HTR1E: variants seen among roughly 807,000 people sequenced by gnomAD.
The protein encoded by HTR1E is 5-hydroxytryptamine receptor 1E.
In HTR1E, 3 loss-of-function variants were observed where a neutral mutation model predicts 3.4. The ratio of observed to expected loss-of-function variants is 0.89; its 90% CI spans 0.41 to 2.31. The LOEUF is 2.31. Among genes scored for constraint, HTR1E ranks in the 30% most tolerant of loss-of-function variants. The pLI, the probability that HTR1E is intolerant of heterozygous loss-of-function variation, is 0.05. For synonymous variants in HTR1E, 170 were observed against 182.8 expected (o/e 0.93, Z 0.56); for missense variants, 392 against 467.0 (o/e 0.84, Z 1.48).
rs778037188 is a variant in HTR1E, at chr6:87,015,470, G to T, written c.136G>T (p.Ala46Ser). The T allele has an allele frequency of 1.2e-6, 2 of 1,614,002 alleles. No homozygotes were observed. The highest frequency in any genetic ancestry group is 1.7e-6 in the Non-Finnish European group (2 of 1,179,996). Reference protein sequence around the residue: ...TTLLNLAVIMAIGTTKKLHQP... With the variant: ...TTLLNLAVIMSIGTTKKLHQP... ...GTTGCTGAACTTGGCTGTGATCATG[G>T]CTATTGGCACCACCAAGAAGCTCCA... Residue 46 changes from alanine to serine, a missense_variant, in exon 2 of 2, where the codon GCT (alanine) becomes TCT (serine). Coordinates refer to ENST00000305344, the MANE Select transcript of HTR1E (RefSeq NM_000865.3).
At chr6:86,940,004 A>C (rs560527983) in intron 1 of HTR1E, among the ~76,000 whole-genome samples, 6 of 152,226 alleles carry the variant, frequency 3.9e-5, no homozygotes, top group Non-Finnish European at 7.3e-5. Flanking sequence ...AAGATAACGA[A>C]GTCAGCGTTT....
chr6:86,999,237 C>T (rs1767984932), intron 1 of HTR1E, among the ~76,000 whole-genome samples: 1 of 152,166 alleles, frequency 6.6e-6, no homozygotes, highest in African/African-American at 2.4e-5. Context: ...GCTGGTATTA[C>T]AGGCATGAGC....
chr6:86,973,519 C>T (rs958352708), intron 1 of HTR1E, among the ~76,000 whole-genome samples: 1 of 152,128 alleles, frequency 6.6e-6, no homozygotes, highest in East Asian at 1.9e-4. Context: ...GCACTGTAAC[C>T]ACAAATGTCC....
intron 1 of HTR1E, among the ~76,000 whole-genome samples, chr6:86,998,712 A>G (rs1439060899): frequency 6.6e-6 from 1 of 152,186 alleles, no homozygotes; most frequent in Non-Finnish European, 1.5e-5. Flanking sequence ...GAAGGAAATA[A>G]TAAATATAAA....
chr6:86,957,950 A>G (rs929170060), intron 1 of HTR1E, among the ~76,000 whole-genome samples: 1 of 152,144 alleles, frequency 6.6e-6, no homozygotes, highest in Non-Finnish European at 1.5e-5. Context: ...TACTTCCATA[A>G]TAGTAAAATT....
At chr6:86,944,065 CT>C (rs1291172172) in intron 1 of HTR1E, among the ~76,000 whole-genome samples, 2 of 152,252 alleles carry the variant, frequency 1.3e-5, no homozygotes, top group African/African-American at 4.8e-5. Flanking sequence ...TGGAGACGTT[CT>C]TTTGCTACCA....
At chr6:86,961,730 C>A (rs927939481) in intron 1 of HTR1E, among the ~76,000 whole-genome samples, 1 of 152,206 alleles carries the variant, frequency 6.6e-6, no homozygotes, top group Non-Finnish European at 1.5e-5. Context: ...CTTTATGTTG[C>A]TCTTGGTTTT....
At chr6:86,961,335 T>C (rs1458446522) in intron 1 of HTR1E, among the ~76,000 whole-genome samples, 3 of 152,210 alleles carry the variant, frequency 2.0e-5, no homozygotes, top group Non-Finnish European at 2.9e-5. Context: ...AAAATATATG[T>C]TCATAATGTC....
intron 1 of HTR1E, among the ~76,000 whole-genome samples, chr6:87,006,277 C>G (rs561647510): frequency 6.6e-6 from 1 of 152,300 alleles, no homozygotes; most frequent in East Asian, 1.9e-4. Flanking sequence ...GACATCTGCA[C>G]TCCCATGTTT....
Position 87,015,238 on chromosome 6 carries a change from C to A in HTR1E, c.-97C>A. 3 of 1,058,436 alleles carry A rather than the reference C, an allele frequency of 2.8e-6. No individual in the cohort carries two copies. Among genetic ancestry groups the A allele is most frequent in the South Asian group, 2.7e-5 (1 of 36,674 alleles). 65.6% of individuals were successfully genotyped at this position (1,058,436 alleles called of 1,614,324 possible). A position where few individuals can be genotyped will look rare whatever the true frequency, so the allele number is the denominator to read the frequency against. Reference sequence around the variant, plus strand: ...GACCACATAGCTGAACAAATTATAGCCTCCTTACAAGTGAGAAACCTTCGA... The same window carrying A: ...GACCACATAGCTGAACAAATTATAGACTCCTTACAAGTGAGAAACCTTCGA... On this transcript the variant is annotated 5_prime_UTR_variant, in exon 2 of 2. Transcript: ENST00000305344.
chr6:86,941,937 T>G (rs1768552102), intron 1 of HTR1E, among the ~76,000 whole-genome samples: 1 of 152,094 alleles, frequency 6.6e-6, no homozygotes, highest in Non-Finnish European at 1.5e-5. Flanking sequence ...CAGGGAAAAG[T>G]TTTATTATTA....
rs925549060 is a variant in HTR1E, at chr6:87,002,567, A to G, written c.-185-12583A>G. Among the ~76,000 whole-genome samples the G allele has an allele frequency of 2.6e-5, 4 of 152,240 alleles. No individual in the cohort carries two copies. In the East Asian group the frequency reaches 5.8e-4, roughly 22 times the overall value. The stretch of plus-strand genomic sequence containing the variant: ...TGTGTTTACAATCCTTTAGCTAGAC[A>G]CATAGTGCTGACTGGTGCATTTTTA... On this transcript the variant is annotated intron_variant, in intron 1 of 1. Coordinates refer to ENST00000305344, the MANE Select transcript of HTR1E (RefSeq NM_000865.3).
chr6:86,966,873 G>T (rs557135159), intron 1 of HTR1E, among the ~76,000 whole-genome samples: 3 of 152,268 alleles, frequency 2.0e-5, no homozygotes, highest in African/African-American at 7.2e-5. Flanking sequence ...AAGATTTAAA[G>T]AATTTTTATT....
chr6:87,016,337 G>C lies in HTR1E; in HGVS notation c.1003G>C (p.Val335Leu). The part of the protein sequence containing the change: ...VADFLTWLGY[V>L]NSLINPLLYT... ...CGACTTTCTGACGTGGCTCGGTTAT[G>C]TGAATTCTCTGATCAACCCTCTGCT... The change falls in exon 2 of 2, where the codon GTG becomes CTG. Residue 335 changes from valine to leucine, a missense_variant. Physicochemically the swap from Val to Leu is conservative, Grantham distance 32. Coordinates refer to ENST00000305344, the MANE Select transcript of HTR1E (RefSeq NM_000865.3). 1 of 1,614,230 alleles carries C rather than the reference G, an allele frequency of 6.2e-7. No homozygotes were observed. Among genetic ancestry groups the C allele is most frequent in the Non-Finnish European group, 8.5e-7 (1 of 1,180,050 alleles).
intron 1 of HTR1E, among the ~76,000 whole-genome samples, chr6:87,013,842 A>G (rs1768275090): frequency 6.6e-6 from 1 of 152,234 alleles, no homozygotes; most frequent in African/African-American, 2.4e-5. Flanking sequence ...GGATATGAAC[A>G]GCCACTTCTC....
intron 1 of HTR1E, among the ~76,000 whole-genome samples, chr6:87,002,658 T>C (rs1251088799): frequency 6.6e-6 from 1 of 152,056 alleles, no homozygotes; most frequent in African/African-American, 2.4e-5. Context: ...TGCTGATCGG[T>C]GCATTTTTAC....
intron 1 of HTR1E, among the ~76,000 whole-genome samples, chr6:86,942,039 G>A (rs1768553537): frequency 6.6e-6 from 1 of 152,202 alleles, no homozygotes; most frequent in Non-Finnish European, 1.5e-5. Flanking sequence ...AAGGTGGCTA[G>A]CTACAATAGC....
intron 1 of HTR1E, among the ~76,000 whole-genome samples, chr6:86,977,858 C>A (rs918275756): frequency 1.3e-5 from 2 of 152,108 alleles, no homozygotes; most frequent in African/African-American, 2.4e-5. Flanking sequence ...TTGTATCACT[C>A]CCTTTAAGAA....
At chr6:87,000,754 G>C (rs1478160718) in intron 1 of HTR1E, among the ~76,000 whole-genome samples, 1 of 152,210 alleles carries the variant, frequency 6.6e-6, no homozygotes, top group Non-Finnish European at 1.5e-5. Context: ...TGCAAAGGAA[G>C]TTCTTCAATC....
Sources: gnomAD v4.1 joint callset for allele counts (sites outside exome capture counted in the v4.1 genomes callset) on GRCh38, gnomAD v4.1.1 for gene constraint, MANE v1.5 for transcripts, NCBI Gene and HGNC (gene_info 2026-07-23, HGNC 2026-07-21) for gene names.